The following PTPRK variants were observed in gnomAD, a reference collection of about 807,000 sequenced individuals.
PTPRK encodes the protein receptor-type tyrosine-protein phosphatase kappa.
Under a neutral mutation model 178.0 loss-of-function variants are expected in PTPRK, and 75 were observed. The observed-to-expected ratio is 0.42, with a 90% CI of 0.35 to 0.51. The LOEUF (loss-of-function observed/expected upper bound fraction) is 0.51, where lower values mean the gene tolerates loss of function less well. Ranked by LOEUF, PTPRK falls within the 20% of genes least tolerant of loss-of-function variation. The pLI, the probability that PTPRK is intolerant of heterozygous loss-of-function variation, is 0.02. For missense variants in PTPRK, 1,441 were observed against 1,797.8 expected (o/e 0.80, Z 3.59); for synonymous variants, 637 against 620.6 (o/e 1.03, Z -0.39).
chr6:128,196,375 C>A (rs1804862985), intron 6 of PTPRK, among the ~76,000 whole-genome samples: 1 of 152,020 alleles, frequency 6.6e-6, no homozygotes, highest in Non-Finnish European at 1.5e-5. Context: ...TAATTATAGA[C>A]CCATCTGATA....
intron 3 of PTPRK, among the ~76,000 whole-genome samples, chr6:128,290,086 A>G (rs1823133206): frequency 6.6e-6 from 1 of 152,108 alleles, no homozygotes; most frequent in South Asian, 2.1e-4. Context: ...AAGATGGGAA[A>G]CAACCAAAAT....
intron 15 of PTPRK, chr6:128,003,107 C>G: frequency 7.7e-7 from 1 of 1,303,730 alleles, no homozygotes; most frequent in Non-Finnish European, 1.1e-6. Flanking sequence ...CAAGCTGCCT[C>G]CTGCACTGTA....
At chr6:128,482,255 C>T (rs2128424469) in intron 1 of PTPRK, among the ~76,000 whole-genome samples, 1 of 152,274 alleles carries the variant, frequency 6.6e-6, no homozygotes, top group East Asian at 1.9e-4. Flanking sequence ...TCCACCCAAG[C>T]CTACAGTGAA....
intron 3 of PTPRK, among the ~76,000 whole-genome samples, chr6:128,254,308 ATAT>A (rs1202902765): frequency 6.6e-6 from 1 of 152,100 alleles, no homozygotes; most frequent in African/African-American, 2.4e-5. Context: ...ATATAATTAC[ATAT>A]TATTATATAA....
At chr6:128,114,397 C>A (rs1791156306) in intron 7 of PTPRK, among the ~76,000 whole-genome samples, 1 of 151,726 alleles carries the variant, frequency 6.6e-6, no homozygotes, top group South Asian at 2.1e-4. Flanking sequence ...GTGGGCGGAT[C>A]ACCTAAGGTC....
intron 2 of PTPRK, among the ~76,000 whole-genome samples, chr6:128,393,738 T>C (rs1258609496): frequency 2.6e-5 from 4 of 152,232 alleles, no homozygotes; most frequent in Admixed American, 1.3e-4. Context: ...TTGGACCCAT[T>C]TGAGGATATC....
intron 1 of PTPRK, among the ~76,000 whole-genome samples, chr6:128,471,213 C>T (rs1185583166): frequency 6.6e-6 from 1 of 151,952 alleles, no homozygotes; most frequent in East Asian, 1.9e-4. Flanking sequence ...TTTTCCCAGC[C>T]ACTGTAAGAA....
At chr6:128,431,234 G>A (rs931241211) in intron 1 of PTPRK, among the ~76,000 whole-genome samples, 5 of 151,982 alleles carry the variant, frequency 3.3e-5, no homozygotes, top group Non-Finnish European at 5.9e-5. Flanking sequence ...CATCGTGCTC[G>A]GCCAAATATT....
chr6:127,976,846 T>C, intron 26 of PTPRK, 64 bp from the exon 27 acceptor site: 1 of 1,610,160 alleles, frequency 6.2e-7, no homozygotes, highest in Middle Eastern at 1.7e-4. Context: ...TAGGAGAGTA[T>C]AAAGCAGATT....
intron 2 of PTPRK, among the ~76,000 whole-genome samples, chr6:128,371,180 G>A (rs546062112): frequency 2.0e-5 from 3 of 152,078 alleles, no homozygotes; most frequent in Non-Finnish European, 4.4e-5. Flanking sequence ...CTTTGTCTTC[G>A]ATTATTTCCC....
At chr6:128,388,874 A>G (rs925730063) in intron 2 of PTPRK, among the ~76,000 whole-genome samples, 18 of 152,188 alleles carry the variant, frequency 1.2e-4, no homozygotes, top group African/African-American at 4.1e-4. Flanking sequence ...AAAATTACAC[A>G]CTCAAAACAT....
At position 128,137,142 on chromosome 6, in the gene PTPRK, A is replaced by G. The variant is rs11154436; in HGVS notation, c.1163-47150T>C. ...TCATTTAATTACTTTCTGAATACAT[A>G]CTAAAACAGATAGGTACTTGCAGAA... On this transcript the variant is annotated intron_variant, in intron 7 of 29. Coordinates refer to ENST00000368226, the MANE Select transcript of PTPRK (RefSeq NM_002844.4). Among the ~76,000 whole-genome samples the G allele has an allele frequency of 3.4e-3, 525 of 152,284 alleles. 5 individuals are homozygous for G. Among genetic ancestry groups the G allele is most frequent in the African/African-American group, 0.012 (508 of 41,570 alleles).
intron 3 of PTPRK, among the ~76,000 whole-genome samples, chr6:128,284,934 A>G (rs1822225280): frequency 6.6e-6 from 1 of 152,216 alleles, no homozygotes; most frequent in Non-Finnish European, 1.5e-5. Flanking sequence ...AGTATACAGA[A>G]GTTCATTAAA....
intron 13 of PTPRK, among the ~76,000 whole-genome samples, chr6:128,050,777 G>C (rs1033478738): frequency 2.0e-5 from 3 of 152,174 alleles, no homozygotes; most frequent in African/African-American, 7.2e-5. Flanking sequence ...CTGGGCTCAA[G>C]CAATCCTCCT....
intron 13 of PTPRK, among the ~76,000 whole-genome samples, chr6:128,042,434 T>G (rs6913095): frequency 0.22 from 33,254 of 151,890 alleles, 4,723 homozygotes; most frequent in African/African-American, 0.4. Context: ...TCAAGGGAGA[T>G]AATCTGTTTT....
chr6:128,300,755 A>C (rs1317234356), intron 3 of PTPRK, among the ~76,000 whole-genome samples: 1 of 151,958 alleles, frequency 6.6e-6, no homozygotes, highest in African/African-American at 2.4e-5. Context: ...GATATAACTA[A>C]TGCTAAATGA....
intron 3 of PTPRK, among the ~76,000 whole-genome samples, chr6:128,257,105 C>T (rs1452735288): frequency 1.3e-5 from 2 of 151,814 alleles, no homozygotes; most frequent in African/African-American, 4.8e-5. Flanking sequence ...TGGCACATGC[C>T]TGTAATCCCA....
chr6:127,993,581 T>C (rs145551514), intron 18 of PTPRK, among the ~76,000 whole-genome samples: 1,881 of 151,756 alleles, frequency 0.012, 36 homozygotes, highest in African/African-American at 0.042. Flanking sequence ...TATAAATACA[T>C]GTGAACTGAG....
chr6:128,238,772 C>A (rs1257789357), intron 5 of PTPRK, among the ~76,000 whole-genome samples: 1 of 152,054 alleles, frequency 6.6e-6, no homozygotes, highest in Admixed American at 6.6e-5. Context: ...GGAGAAATTA[C>A]CATAATCACA....
Sources: gnomAD v4.1 joint callset for allele counts (sites outside exome capture counted in the v4.1 genomes callset) on GRCh38, gnomAD v4.1.1 for gene constraint, MANE v1.5 for transcripts, NCBI Gene and HGNC (gene_info 2026-07-23, HGNC 2026-07-21) for gene names.